The following CRAT variants were observed in gnomAD, a reference collection of about 807,000 sequenced individuals.
CRAT encodes carnitine acetylase.
Under a neutral mutation model 73.7 loss-of-function variants are expected in CRAT, and 66 were observed. The observed-to-expected ratio is 0.90, with a 90% CI of 0.73 to 1.10. The LOEUF (loss-of-function observed/expected upper bound fraction) is 1.10, where lower values mean the gene tolerates loss of function less well. Ranked by LOEUF, CRAT falls within the 50% of genes least tolerant of loss-of-function variation. The pLI, the probability that CRAT is intolerant of heterozygous loss-of-function variation, is 0.00. For missense variants in CRAT, 745 were observed against 846.9 expected, an observed-to-expected ratio of 0.88 and a Z score of 1.49; for synonymous variants, 321 against 343.2, an observed-to-expected ratio of 0.94 and a Z score of 0.71.
chr9:129,097,715 AAC>A (rs1847370050), intron 11 of CRAT: 1 of 412,868 alleles, frequency 2.4e-6, no homozygotes, highest in African/African-American at 2.0e-5. Context: ...TCTAAAAAAA[AAC>A]AAGAAAAAAA....
intron 2 of CRAT, among the ~76,000 whole-genome samples, chr9:129,105,681 G>A (rs1206611750): frequency 6.6e-6 from 1 of 152,136 alleles, no homozygotes; most frequent in Admixed American, 6.6e-5. Flanking sequence ...AGGAGACTGG[G>A]GTATCAGAGC....
rs1847263130 is a variant in CRAT at position 129,096,059 on chromosome 9, G to C, written c.1604C>G (p.Pro535Arg). The C allele has an allele frequency of 6.2e-7, 1 of 1,613,920 alleles. No individual in the cohort carries two copies. The highest frequency in any genetic ancestry group is 1.7e-5 in the Admixed American group (1 of 60,012). ...GTAGGAGGTGTCCATGAAGATGTCG[G>C]GCATGCTCACCAGGTCCTCGATGGC... ...LQAIEDLVSM[P>R]DIFMDTSYAI... Residue 535 changes from proline (P) to arginine (R), a missense_variant, in exon 13 of 14, where the codon CCC becomes CGC. By Grantham distance (103) the Pro-to-Arg change is moderately radical (BLOSUM62 -2). Coordinates refer to ENST00000318080, the MANE Select transcript of CRAT (RefSeq NM_000755.5).
At chr9:129,102,809 A>AG (rs143790514) in intron 4 of CRAT, among the ~76,000 whole-genome samples, 4,817 of 152,214 alleles carry the variant, frequency 0.032, 122 homozygotes, top group South Asian at 0.051. Flanking sequence ...AGTTTGTCAC[A>AG]GGGGAGATGA....
rs112769430 is a variant in CRAT at position 129,098,429 on chromosome 9, C to T, written c.1206-58G>A. ...GCCCCGGCAGCCCCTGCCAACCCCA[C>T]GGAGGGTCTGGGTGTCATGACAGAG... On this transcript the variant is annotated intron_variant, in intron 9 of 13. Transcript: ENST00000318080. The T allele has an allele frequency of 8.6e-4, 1,387 of 1,604,420 alleles. 11 individuals are homozygous for T. In the East Asian group the frequency reaches 0.015, roughly 18 times the overall value.
At chr9:129,096,976 G>A (rs1847314133) in intron 12 of CRAT, among the ~76,000 whole-genome samples, 2 of 151,950 alleles carry the variant, frequency 1.3e-5, no homozygotes, top group South Asian at 2.1e-4. Context: ...GCTGAGGCAG[G>A]AGAATTGCTT....
At chr9:129,101,009 G>T (rs1847639920) in intron 6 of CRAT, among the ~76,000 whole-genome samples, 1 of 152,258 alleles carries the variant, frequency 6.6e-6, no homozygotes, top group African/African-American at 2.4e-5. Context: ...AACCCACACA[G>T]GTGGTCTGAC....
rs376125366 is a variant in CRAT, at chr9:129,098,132, A to G, written c.1345T>C (p.Cys449Arg). 2.5e-6 allele frequency: 4 copies of G among 1,613,770 alleles called. No homozygotes were observed. Among genetic ancestry groups the G allele is most frequent in the East Asian group, 2.2e-5 (1 of 44,890 alleles). The change falls in exon 11 of 14, where the codon TGT (cysteine) becomes CGT (arginine). Residue 449 changes from cysteine (C) to arginine (R), a missense_variant. Transcript: ENST00000318080. Reference protein sequence around the residue: ...LAYYRIYGQACATYESASLRM... With the variant: ...LAYYRIYGQARATYESASLRM... ...AGGGAGGCACTTTCATAGGTGGCAC[A>G]TGCCTGTCCGTAGATCCTGGTGGGA...
In CRAT at chr9:129,106,932, T is replaced by C. The variant is rs2131490983; in HGVS notation, c.291+882A>G. On this transcript the variant is annotated intron_variant, in intron 2 of 13. Transcript: ENST00000318080. The surrounding 1 kb of genome is among the most constrained non-coding windows in gnomAD (Gnocchi z 4.0). ...CCTGGACCTAACGACTCTCCCTCTC[T>C]CCCATCCGGTGTCAGACCCAGGCTG... Among the ~76,000 whole-genome samples, 1 of 152,070 alleles carries C rather than the reference T, an allele frequency of 6.6e-6. No individual in the cohort carries two copies. Among genetic ancestry groups the C allele is most frequent in the Middle Eastern group, 3.4e-3 (1 of 294 alleles).
intron 1 of CRAT, chr9:129,108,626 G>C: frequency 8.8e-7 from 1 of 1,136,728 alleles, no homozygotes; most frequent in Non-Finnish European, 1.1e-6. Context: ...CGAGAGAGCC[G>C]GGTGGCCTGG....
chr9:129,100,514 C>T lies in CRAT; in HGVS notation c.981G>A (p.Leu327=). Residue 327 remains leucine (L), a synonymous_variant, in exon 7 of 14, where the codon CTG becomes CTA. Coordinates refer to ENST00000318080, the MANE Select transcript of CRAT (RefSeq NM_000755.5). ...GCGAAGCCCTGCCGGGCCTCACCTG[C>T]AGCGTCTTGTCGAACCAGCGGTTGC... The part of the protein sequence containing the change: ...NSGNRWFDKT[L]QFIVAEDGSC... The T allele has an allele frequency of 2.5e-6, 4 of 1,612,362 alleles. No individual in the cohort carries two copies. In the East Asian group the frequency reaches 8.9e-5, roughly 36 times the overall value.
At chr9:129,109,222 C>G (rs1848219251) in intron 1 of CRAT, 11 of 1,304,202 alleles carry the variant, frequency 8.4e-6, no homozygotes, top group Non-Finnish European at 1.1e-5. Flanking sequence ...GAAAACTTGG[C>G]TGGAGGACAG....
rs369445690 is a variant in CRAT, at chr9:129,108,082, A to G, written c.28-5T>C. ...CAGGAAGCCCAGAGGCTTCACCTGC[A>G]GGTAGCAGAACATCCTGTTCATTCC... On this transcript the variant is annotated splice_polypyrimidine_tract_variant and splice_region_variant and intron_variant, in intron 1 of 13. Coordinates refer to ENST00000318080, the MANE Select transcript of CRAT (RefSeq NM_000755.5). 6.6e-6 allele frequency: 10 copies of G among 1,509,346 alleles called. No homozygotes were observed. The African/African-American group carries it at 1.4e-4, about 21-fold the overall frequency. 93.5% of individuals were successfully genotyped at this position (1,509,346 alleles called of 1,614,324 possible). A position where few individuals can be genotyped will look rare whatever the true frequency, so the allele number is the denominator to read the frequency against.
At chr9:129,100,731 A>C in intron 6 of CRAT, 42 bp from the exon 7 acceptor site, 9 of 1,582,488 alleles carry the variant, frequency 5.7e-6, no homozygotes, top group African/African-American at 1.3e-5. Context: ...ATGGGGTCTC[A>C]TGGTGTGGGA....
rs374275785 is a variant in CRAT, at chr9:129,110,340, C to A, written c.27+143G>T. The A allele has an allele frequency of 5.1e-5, 42 of 823,706 alleles. No homozygotes were observed. Among genetic ancestry groups the A allele is most frequent in the East Asian group, 3.0e-4 (9 of 30,362 alleles). The allele number at this position is 823,706 out of a possible 1,614,324, so 51.0% of individuals were successfully genotyped here. ...GCCCCAATCTCCTGCTCTGCCAAACCTGGGACGCCCGCCTGACCCCACCCC... is the reference window on the plus strand; with the variant it reads ...GCCCCAATCTCCTGCTCTGCCAAACATGGGACGCCCGCCTGACCCCACCCC... On this transcript the variant is annotated intron_variant, in intron 1 of 13. Coordinates refer to ENST00000318080, the MANE Select transcript of CRAT (RefSeq NM_000755.5). This position sits in a 1 kb window ranked among gnomAD's most constrained non-coding sequence, Gnocchi z 5.3.
intron 11 of CRAT, 152 bp downstream of exon 11, chr9:129,097,861 A>G (rs1008244396): frequency 8.9e-7 from 1 of 1,128,250 alleles, no homozygotes; most frequent in East Asian, 2.4e-5. Context: ...CAGGAAGCTC[A>G]GAGCTAGATT....
chr9:129,096,078 C>A lies in CRAT; in HGVS notation c.1585G>T (p.Glu529Ter). 1 of 1,613,972 alleles carries A rather than the reference C, an allele frequency of 6.2e-7. No individual in the cohort carries two copies. The highest frequency in any genetic ancestry group is 8.5e-7 in the Non-Finnish European group (1 of 1,180,040). The change falls in exon 13 of 14, where the codon GAG becomes TAG. Residue 529 changes from glutamate (E) to a stop codon, truncating the protein, a stop_gained. Transcript: ENST00000318080. LOFTEE classifies it high-confidence loss of function. ...ATGTCGGGCATGCTCACCAGGTCCT[C>A]GATGGCCTGCAGCTTCAGGCCCAGC... The part of the protein sequence containing the change: ...HLLGLKLQAI[E>*]DLVSMPDIFM...
chr9:129,098,019 G>T lies in CRAT; in HGVS notation c.1458C>A (p.Ser486Arg). ...CTCGCCCCAGACCTCTCACCGTGAC[G>T]CTGGAGTCATCCATGGCCTTGACAA... ...LTFVKAMDDS[S>R]VTEHQKVELL... The change falls in exon 11 of 14, where the codon AGC becomes AGA. Residue 486 changes from serine (S) to arginine (R), a missense_variant. Ser to Arg is a moderately radical substitution (Grantham distance 110). Transcript: ENST00000318080. 1 of 1,613,586 alleles carries T rather than the reference G, an allele frequency of 6.2e-7. No homozygotes were observed. Among genetic ancestry groups the T allele is most frequent in the African/African-American group, 1.3e-5 (1 of 75,064 alleles).
At chr9:129,108,171 C>G (rs750544551) in intron 1 of CRAT, 94 bp from the exon 2 acceptor site, 3 of 1,434,372 alleles carry the variant, frequency 2.1e-6, no homozygotes, top group Non-Finnish European at 2.7e-6. Context: ...GTGCCCATCC[C>G]TGGGGGCAGA....
At chr9:129,098,476 C>T (rs1489894047) in intron 9 of CRAT, 55 bp downstream of exon 9, 1 of 1,589,048 alleles carries the variant, frequency 6.3e-7, no homozygotes, top group Non-Finnish European at 8.6e-7. Context: ...GCCTCTCAAG[C>T]TCAAGGGCCT....
Sources: gnomAD v4.1 joint callset for allele counts (sites outside exome capture counted in the v4.1 genomes callset) on GRCh38, gnomAD v4.1.1 for gene constraint, Gnocchi (gnomAD v3.1) non-coding constraint, MANE v1.5 for transcripts, NCBI Gene and HGNC (gene_info 2026-07-23, HGNC 2026-07-21) for gene names.